Variants in CTIF observed in about 807,000 individuals in gnomAD.
CTIF encodes the protein cap binding complex dependent translation initiation factor.
CTIF carries 21 observed loss-of-function variants against 66.0 expected under a neutral mutation model. The observed-to-expected ratio is 0.32, with a 90% CI of 0.23 to 0.46. The LOEUF is 0.46. Among genes scored for constraint, CTIF ranks in the 20% least tolerant of loss-of-function variants. The probability of loss-of-function intolerance (pLI) is 1.00; values close to 1 mark genes in which losing one functional copy is unlikely to be tolerated. For missense variants in CTIF, 739 were observed against 812.7 expected, an observed-to-expected ratio of 0.91 and a Z score of 1.10; for synonymous variants, 345 against 326.4, an observed-to-expected ratio of 1.06 and a Z score of -0.62.
chr18:48,616,290 G>T (rs2090398429), intron 1 of CTIF, among the ~76,000 whole-genome samples: 1 of 152,242 alleles, frequency 6.6e-6, no homozygotes, highest in Admixed American at 6.5e-5. Flanking sequence ...GACATCGGCG[G>T]TTTTATTCCC....
chr18:48,557,151 T>A (rs2089040835), intron 1 of CTIF, among the ~76,000 whole-genome samples: 1 of 151,562 alleles, frequency 6.6e-6, no homozygotes, highest in South Asian at 2.1e-4. Flanking sequence ...GATTGTGGCC[T>A]GGGGGTAGGG....
intron 1 of CTIF, among the ~76,000 whole-genome samples, chr18:48,571,413 C>G (rs2089413282): frequency 1.3e-5 from 2 of 152,214 alleles, no homozygotes; most frequent in South Asian, 4.1e-4. Flanking sequence ...TCCTCGGCCT[C>G]CCAAAGTGTT....
intron 9 of CTIF, among the ~76,000 whole-genome samples, chr18:48,782,424 C>A (rs1322861885): frequency 6.6e-6 from 1 of 152,258 alleles, no homozygotes; most frequent in South Asian, 2.1e-4. Context: ...GTCCCCCTGT[C>A]CCCCCACCCG....
intron 10 of CTIF, among the ~76,000 whole-genome samples, chr18:48,839,778 T>C (rs1392416184): frequency 6.6e-6 from 1 of 152,188 alleles, no homozygotes; most frequent in Non-Finnish European, 1.5e-5. Flanking sequence ...GAAAAGTTGT[T>C]ACTACCCCCT....
At chr18:48,549,462 A>G (rs1251344536) in intron 1 of CTIF, among the ~76,000 whole-genome samples, 4 of 152,218 alleles carry the variant, frequency 2.6e-5, no homozygotes, top group Admixed American at 2.0e-4. Flanking sequence ...GTCTAAAGGT[A>G]GGAGCTCTAG....
intron 3 of CTIF, 40 bp from the exon 4 acceptor site, chr18:48,663,712 G>A (rs373648903): frequency 2.3e-5 from 37 of 1,592,154 alleles, no homozygotes; most frequent in African/African-American, 2.0e-4. Context: ...CATCCTGGCC[G>A]AGCAATTAAT....
Position 48,757,466 on chromosome 18 carries a change from G to A in CTIF, c.585-453G>A, listed in dbSNP as rs191989438. Reference sequence around the variant, plus strand: ...ATGGTGAACAGTCATTCATAGGAAGGTGCTTGTAAGAAGCAGGTCTGCGTA... The same window carrying A: ...ATGGTGAACAGTCATTCATAGGAAGATGCTTGTAAGAAGCAGGTCTGCGTA... On this transcript the variant is annotated intron_variant, in intron 7 of 11. Coordinates refer to ENST00000256413, the MANE Select transcript of CTIF (RefSeq NM_014772.3). Among the ~76,000 whole-genome samples the A allele has an allele frequency of 2.1e-4, 32 of 152,294 alleles. No homozygotes were observed. In the East Asian group the frequency reaches 2.9e-3, roughly 14 times the overall value.
chr18:48,817,437 C>T, intron 10 of CTIF, 61 bp downstream of exon 10: 2 of 1,542,832 alleles, frequency 1.3e-6, no homozygotes, highest in East Asian at 2.3e-5. Flanking sequence ...TGGAATGCGT[C>T]TCAGATAACT....
intron 3 of CTIF, among the ~76,000 whole-genome samples, chr18:48,641,134 A>G (rs1174701542): frequency 6.6e-6 from 1 of 152,220 alleles, no homozygotes; most frequent in Admixed American, 6.5e-5. Context: ...GGGGAAATGT[A>G]TAGGGATTGT....
intron 9 of CTIF, among the ~76,000 whole-genome samples, chr18:48,787,090 G>A (rs1357518765): frequency 1.3e-5 from 2 of 152,172 alleles, no homozygotes; most frequent in African/African-American, 4.8e-5. Flanking sequence ...AGGCAGGGGC[G>A]GAGCTGTGGT....
Position 48,761,883 on chromosome 18 carries a change from G to A in CTIF, c.1371+194G>A, listed in dbSNP as rs1909036937. 6.6e-6 allele frequency among the ~76,000 whole-genome samples: 1 copy of A among 152,246 alleles called. No homozygotes were observed. Among genetic ancestry groups the A allele is most frequent in the African/African-American group, 2.4e-5 (1 of 41,460 alleles). On this transcript the variant is annotated intron_variant, in intron 9 of 11. Coordinates refer to ENST00000256413, the MANE Select transcript of CTIF (RefSeq NM_014772.3). The surrounding 1 kb of genome is among the most constrained non-coding windows in gnomAD (Gnocchi z 4.2). ...AGCGGCTGGATTTGTGTGTGTTTAT[G>A]TGTGGGCTCCCTGGTTACAATGGAC...
intron 6 of CTIF, among the ~76,000 whole-genome samples, chr18:48,709,205 T>C (rs1185022937): frequency 6.6e-6 from 1 of 152,216 alleles, no homozygotes; most frequent in African/African-American, 2.4e-5. Context: ...AGAGCCAGGA[T>C]CTGACATTCA....
chr18:48,655,337 C>A (rs970945225), intron 3 of CTIF, among the ~76,000 whole-genome samples: 1 of 150,480 alleles, frequency 6.6e-6, no homozygotes, highest in Non-Finnish European at 1.5e-5. Flanking sequence ...TAAAAAAAGC[C>A]GGAGTGACTG....
chr18:48,636,821 TG>T, intron 3 of CTIF, 136 bp downstream of exon 3: 1 of 543,910 alleles, frequency 1.8e-6, no homozygotes, highest in Non-Finnish European at 2.9e-6. Context: ...AGGGGGCATC[TG>T]TTCCCTGGAA....
intron 9 of CTIF, among the ~76,000 whole-genome samples, chr18:48,817,006 A>T (rs746397531): frequency 4.6e-5 from 7 of 152,084 alleles, no homozygotes; most frequent in Non-Finnish European, 7.4e-5. Context: ...TGTGTCCCCA[A>T]CCTGGGGACA....
At chr18:48,663,005 C>T (rs2091373124) in intron 3 of CTIF, among the ~76,000 whole-genome samples, 1 of 152,076 alleles carries the variant, frequency 6.6e-6, no homozygotes, top group South Asian at 2.1e-4. Context: ...GGGCACATTT[C>T]TGTGTGTTTA....
At chr18:48,699,377 T>C (rs1413347496) in intron 6 of CTIF, among the ~76,000 whole-genome samples, 9 of 108,956 alleles carry the variant, frequency 8.3e-5, no homozygotes, top group African/African-American at 3.1e-4. Context: ...AGGGGAGGGA[T>C]TGGGAAGTGC....
chr18:48,788,415 T>G (rs1304589131), intron 9 of CTIF, among the ~76,000 whole-genome samples: 23 of 152,166 alleles, frequency 1.5e-4, no homozygotes. Flanking sequence ...TCTTCCTCCC[T>G]AGCCTTGGTT....
chr18:48,664,559 G>A lies in CTIF; in HGVS notation c.431+8G>A, dbSNP rs967600678. On this transcript the variant is annotated splice_region_variant and intron_variant, in intron 5 of 11. Transcript: ENST00000256413. ...ACACATCGACCGCGAAGGGTAAGGG[G>A]TGCTGGGGCTCTTACCCAGGGTGGG... 30 of 1,608,046 alleles carry A rather than the reference G, an allele frequency of 1.9e-5. No homozygotes were observed. The highest frequency in any genetic ancestry group is 2.5e-5 in the Non-Finnish European group (30 of 1,178,730).
Sources: gnomAD v4.1 joint callset for allele counts (sites outside exome capture counted in the v4.1 genomes callset) on GRCh38, gnomAD v4.1.1 for gene constraint, Gnocchi (gnomAD v3.1) non-coding constraint, MANE v1.5 for transcripts, NCBI Gene and HGNC (gene_info 2026-07-23, HGNC 2026-07-21) for gene names.